Variants in RCAN2 observed in about 807,000 individuals in gnomAD.
The protein encoded by RCAN2 is calcipressin-2.
Under a neutral mutation model 23.6 loss-of-function variants are expected in RCAN2, and 9 were observed. The ratio of observed to expected loss-of-function variants is 0.38; its 90% CI spans 0.23 to 0.67. The LOEUF is 0.67. Ranked by LOEUF, RCAN2 falls within the 30% of genes least tolerant of loss-of-function variation. The pLI is 0.51. For missense variants in RCAN2, 273 were observed against 302.3 expected, an observed-to-expected ratio of 0.90 and a Z score of 0.72; for synonymous variants, 109 against 115.7, an observed-to-expected ratio of 0.94 and a Z score of 0.37.
At chr6:46,394,947 G>A (rs1766046822) in intron 2 of RCAN2, among the ~76,000 whole-genome samples, 1 of 152,078 alleles carries the variant, frequency 6.6e-6, no homozygotes, top group Non-Finnish European at 1.5e-5. Flanking sequence ...TACATTGTAA[G>A]AAAAAAACCC....
Position 46,408,202 on chromosome 6 carries a change from C to T in RCAN2, c.225+48550G>A, listed in dbSNP as rs531989886. 1.3e-3 allele frequency among the ~76,000 whole-genome samples: 197 copies of T among 152,316 alleles called. 1 individual carries two copies. Among genetic ancestry groups the T allele is most frequent in the Admixed American group, 2.3e-3 (35 of 15,304 alleles). On this transcript the variant is annotated intron_variant, in intron 2 of 4. Coordinates refer to ENST00000371374, the MANE Select transcript of RCAN2 (RefSeq NM_001251974.2). ...TCCTTCGACAATGCTCCTATTACTTCCCTGCGGGCGGCTCCGACTGTTCAG... is the reference window on the plus strand; with the variant it reads ...TCCTTCGACAATGCTCCTATTACTTTCCTGCGGGCGGCTCCGACTGTTCAG...
At chr6:46,415,436 G>C (rs1340692821) in intron 2 of RCAN2, among the ~76,000 whole-genome samples, 1 of 152,138 alleles carries the variant, frequency 6.6e-6, no homozygotes, top group African/African-American at 2.4e-5. Context: ...AGGGACACAG[G>C]GTGTTAAGTT....
At chr6:46,233,716 C>T in intron 4 of RCAN2, among the ~76,000 whole-genome samples, 1 of 142,476 alleles carries the variant, frequency 7.0e-6, no homozygotes, top group South Asian at 2.3e-4. Context: ...AGATGAAGAA[C>T]ACTTCTTTTT....
intron 2 of RCAN2, among the ~76,000 whole-genome samples, chr6:46,365,651 T>C (rs1021963463): frequency 6.6e-6 from 1 of 152,212 alleles, no homozygotes; most frequent in Admixed American, 6.5e-5. Flanking sequence ...CTTCTAATGA[T>C]CTATTTCCTT....
chr6:46,461,828 C>A (rs906730238), intron 1 of RCAN2, among the ~76,000 whole-genome samples: 1 of 152,046 alleles, frequency 6.6e-6, no homozygotes, highest in African/African-American at 2.4e-5. Context: ...TCAGGTGATC[C>A]GCCTGCCTCA....
rs565579946 is a variant in RCAN2 at position 46,472,923 on chromosome 6, A to G, written c.-2-15945T>C. ...AGGGATTTTCACCCAGAGAAGAGCT[A>G]CTTAGGTTGGCTTCTGGTAGCTCAG... On this transcript the variant is annotated intron_variant, in intron 1 of 4. Transcript: ENST00000371374. Among the ~76,000 whole-genome samples, 13 of 152,354 alleles carry G rather than the reference A, an allele frequency of 8.5e-5. No homozygotes were observed. In the South Asian group the frequency reaches 2.3e-3, roughly 27 times the overall value.
chr6:46,372,270 T>G (rs890217611), intron 2 of RCAN2, among the ~76,000 whole-genome samples: 2 of 152,220 alleles, frequency 1.3e-5, no homozygotes, highest in Non-Finnish European at 2.9e-5. Context: ...AGCACTTCAT[T>G]TGTACTAGGT....
intron 2 of RCAN2, among the ~76,000 whole-genome samples, chr6:46,324,163 A>T (rs996252236): frequency 6.6e-6 from 1 of 152,236 alleles, no homozygotes; most frequent in African/African-American, 2.4e-5. Context: ...TCCATTCTCA[A>T]TGCAATCACA....
chr6:46,291,280 G>GT (rs11389800), intron 2 of RCAN2, among the ~76,000 whole-genome samples: 108,343 of 145,216 alleles, frequency 0.75, 40,623 homozygotes, highest in Non-Finnish European at 0.81. Context: ...ATTCGCCAGT[G>GT]TTTTTTTTTT....
At chr6:46,391,184 C>T (rs1765924189) in intron 2 of RCAN2, among the ~76,000 whole-genome samples, 1 of 152,150 alleles carries the variant, frequency 6.6e-6, no homozygotes, top group Admixed American at 6.5e-5. Context: ...ACAGTTGCTA[C>T]AGTTCATGCA....
intron 2 of RCAN2, among the ~76,000 whole-genome samples, chr6:46,373,685 A>C (rs1047542961): frequency 6.6e-6 from 1 of 152,224 alleles, no homozygotes; most frequent in Admixed American, 6.5e-5. Flanking sequence ...CTTATCTGGT[A>C]AGACACAAAC....
At chr6:46,247,919 T>A (rs951150835) in intron 3 of RCAN2, among the ~76,000 whole-genome samples, 2 of 152,198 alleles carry the variant, frequency 1.3e-5, no homozygotes, top group African/African-American at 4.8e-5. Flanking sequence ...GAGTGAGATT[T>A]TAAAGACGAG....
At chr6:46,307,180 G>A (rs942686911) in intron 2 of RCAN2, among the ~76,000 whole-genome samples, 1 of 152,116 alleles carries the variant, frequency 6.6e-6, no homozygotes, top group African/African-American at 2.4e-5. Flanking sequence ...ACTGTGCTGG[G>A]TGCTGGGGAA....
chr6:46,357,870 T>G (rs1434356986), intron 2 of RCAN2, among the ~76,000 whole-genome samples: 2 of 152,224 alleles, frequency 1.3e-5, no homozygotes, highest in Non-Finnish European at 2.9e-5. Flanking sequence ...TAATTTAAAG[T>G]ACTTTCGCTT....
intron 2 of RCAN2, among the ~76,000 whole-genome samples, chr6:46,282,188 C>G (rs928583943): frequency 6.6e-6 from 1 of 152,174 alleles, no homozygotes; most frequent in Non-Finnish European, 1.5e-5. Context: ...AAACAGACCA[C>G]TCAAATATCC....
intron 2 of RCAN2, among the ~76,000 whole-genome samples, chr6:46,316,317 A>G (rs754974575): frequency 6.6e-6 from 1 of 152,186 alleles, no homozygotes; most frequent in Non-Finnish European, 1.5e-5. Context: ...ATCACCACCA[A>G]CCTATGAGGT....
At chr6:46,388,024 G>A (rs1431222918) in intron 2 of RCAN2, among the ~76,000 whole-genome samples, 8 of 151,168 alleles carry the variant, frequency 5.3e-5, no homozygotes, top group Non-Finnish European at 7.4e-5. Flanking sequence ...AACACCGCAC[G>A]TTCTCACTCA....
intron 2 of RCAN2, among the ~76,000 whole-genome samples, chr6:46,394,889 CTT>C (rs1766044854): frequency 6.6e-6 from 1 of 152,072 alleles, no homozygotes; most frequent in Non-Finnish European, 1.5e-5. Flanking sequence ...AGATAGGAAT[CTT>C]ATATTTTGAA....
intron 4 of RCAN2, among the ~76,000 whole-genome samples, chr6:46,225,504 G>C (rs1765632247): frequency 6.6e-6 from 1 of 152,180 alleles, no homozygotes; most frequent in Non-Finnish European, 1.5e-5. Context: ...ATTTCATTGT[G>C]GTTTTGATTT....
Sources: gnomAD v4.1 joint callset for allele counts (sites outside exome capture counted in the v4.1 genomes callset) on GRCh38, gnomAD v4.1.1 for gene constraint, MANE v1.5 for transcripts, NCBI Gene and HGNC (gene_info 2026-07-23, HGNC 2026-07-21) for gene names.